Variants in PRKCB observed in about 807,000 individuals in gnomAD.
The protein encoded by PRKCB is protein kinase C beta.
Under a neutral mutation model 81.5 loss-of-function variants are expected in PRKCB, and 13 were observed. The observed-to-expected ratio is 0.16, with a 90% CI of 0.10 to 0.25. The LOEUF is 0.25. Ranked by LOEUF, PRKCB falls within the 10% of genes least tolerant of loss-of-function variation. PRKCB has a pLI of 1.00. For missense variants in PRKCB, 509 were observed against 875.7 expected (o/e 0.58, Z 5.29); for synonymous variants, 335 against 321.4 (o/e 1.04, Z -0.45).
At chr16:23,915,524 A>C (rs758715163) in intron 2 of PRKCB, among the ~76,000 whole-genome samples, 3 of 151,992 alleles carry the variant, frequency 2.0e-5, no homozygotes, top group Non-Finnish European at 4.4e-5. Flanking sequence ...AGTCTCTATA[A>C]AAAATACAAA....
intron 2 of PRKCB, among the ~76,000 whole-genome samples, chr16:23,857,531 C>T (rs1001471337): frequency 2.0e-5 from 3 of 152,136 alleles, no homozygotes; most frequent in African/African-American, 7.2e-5. Flanking sequence ...CTCTGGTGTG[C>T]CTGATAGGTG....
chr16:24,083,904 AC>A (rs1392559431), intron 5 of PRKCB, among the ~76,000 whole-genome samples: 4 of 152,214 alleles, frequency 2.6e-5, no homozygotes, highest in African/African-American at 9.6e-5. Flanking sequence ...ACAAGTACAC[AC>A]AGAGAGAGAG....
chr16:23,971,203 G>T (rs755752527), intron 2 of PRKCB, among the ~76,000 whole-genome samples: 1 of 152,220 alleles, frequency 6.6e-6, no homozygotes, highest in East Asian at 1.9e-4. Flanking sequence ...CATCTCCATC[G>T]ATCAGCTCTA....
chr16:24,214,612 G>A, intron 16 of PRKCB, 46 bp from the exon 17 acceptor site: 1 of 1,526,914 alleles, frequency 6.5e-7, no homozygotes, highest in Non-Finnish European at 9.0e-7. Flanking sequence ...TTTTGTTTTT[G>A]TTTTTTTTCC....
chr16:24,037,882 G>A (rs899916322), intron 5 of PRKCB, among the ~76,000 whole-genome samples: 15 of 150,288 alleles, frequency 1.0e-4, no homozygotes, highest in South Asian at 2.1e-4. Flanking sequence ...AAAAAGAAAC[G>A]AAAAGAAAAA....
At chr16:24,198,444 T>G (rs1967910427) in intron 16 of PRKCB, among the ~76,000 whole-genome samples, 1 of 152,080 alleles carries the variant, frequency 6.6e-6, no homozygotes, top group Admixed American at 6.5e-5. Flanking sequence ...ATAGAAGCAG[T>G]GAGGTGAAGA....
At chr16:23,878,582 G>T (rs962163055) in intron 2 of PRKCB, among the ~76,000 whole-genome samples, 2 of 152,152 alleles carry the variant, frequency 1.3e-5, no homozygotes, top group African/African-American at 4.8e-5. Flanking sequence ...AAGTCTGAAG[G>T]TAGAACATGG....
intron 8 of PRKCB, among the ~76,000 whole-genome samples, chr16:24,118,864 GA>G (rs931124050): frequency 8.6e-5 from 13 of 152,010 alleles, no homozygotes; most frequent in African/African-American, 2.9e-4. Context: ...GGAACAATGG[GA>G]TATTTCAAAG....
intron 2 of PRKCB, among the ~76,000 whole-genome samples, chr16:23,882,750 CTTTTTTTT>C (rs61020074): frequency 9.5e-6 from 1 of 105,198 alleles, no homozygotes; most frequent in Non-Finnish European, 2.1e-5. Context: ...ATACAAATAT[CTTTTTTTT>C]TTTTTTTTTT....
chr16:23,877,034 A>G (rs546705190), intron 2 of PRKCB, among the ~76,000 whole-genome samples: 1 of 152,282 alleles, frequency 6.6e-6, no homozygotes, highest in African/African-American at 2.4e-5. Flanking sequence ...ATGAAGAACC[A>G]GGCTTTAGAA....
In PRKCB at chr16:23,898,216, C is replaced by T. The variant is rs543354971; in HGVS notation, c.205+60810C>T. ...GAGTAGCTGGAACTACAGGCGCCCA[C>T]CACCACACCTCGCTAATTTTTTGTA... On this transcript the variant is annotated intron_variant, in intron 2 of 16. Coordinates refer to ENST00000643927, the MANE Select transcript of PRKCB (RefSeq NM_002738.7). Among the ~76,000 whole-genome samples, 4 of 152,214 alleles carry T rather than the reference C, an allele frequency of 2.6e-5. No homozygotes were observed. The South Asian group carries it at 6.2e-4, about 24-fold the overall frequency.
Position 23,875,580 on chromosome 16 carries a change from A to ATATGTATGTATATCGCACACATATG in PRKCB, c.205+38181_205+38182insGTATATCGCACACATATGTATGTAT, listed in dbSNP as rs10664900. On this transcript the variant is annotated intron_variant, in intron 2 of 16. Transcript: ENST00000643927. ...TCACACACATGTGTATATCAAACACATATGTATATCACACACATATGTATG... is the reference window on the plus strand; with the variant it reads ...TCACACACATGTGTATATCAAACACATATGTATGTATATCGCACACATATGTATGTATATCACACACATATGTATG... Among the ~76,000 whole-genome samples, 4 of 15,166 alleles carry ATATGTATGTATATCGCACACATATG rather than the reference A, an allele frequency of 2.6e-4. 1 individual carries two copies. The highest frequency in any genetic ancestry group is 1.2e-3 in the African/African-American group (4 of 3,216). 9.9% of individuals were successfully genotyped at this position (15,166 alleles called of 152,430 possible).
intron 3 of PRKCB, among the ~76,000 whole-genome samples, chr16:24,014,284 G>A (rs1965246440): frequency 6.6e-6 from 1 of 152,132 alleles, no homozygotes. Flanking sequence ...GGGTGGGGAG[G>A]GGAGGAGATG....
At chr16:24,016,452 G>A (rs574723851) in intron 3 of PRKCB, among the ~76,000 whole-genome samples, 54 of 152,016 alleles carry the variant, frequency 3.6e-4, no homozygotes, top group African/African-American at 9.7e-4. Context: ...GAAAAGACTC[G>A]CTTAACATGG....
chr16:23,856,525 A>G (rs1184410739), intron 2 of PRKCB, among the ~76,000 whole-genome samples: 2 of 41,170 alleles, frequency 4.9e-5, no homozygotes, highest in Admixed American at 7.3e-4. Flanking sequence ...TTGTTTCACG[A>G]AACTTTTTTT....
intron 3 of PRKCB, among the ~76,000 whole-genome samples, chr16:24,000,420 G>T: frequency 6.6e-6 from 1 of 152,190 alleles, no homozygotes; most frequent in East Asian, 1.9e-4. Context: ...TATGGACTCT[G>T]AAATCAGACA....
chr16:24,076,207 G>A (rs1049580268), intron 5 of PRKCB, among the ~76,000 whole-genome samples: 1 of 152,190 alleles, frequency 6.6e-6, no homozygotes, highest in Non-Finnish European at 1.5e-5. Context: ...GGAGTTGTTT[G>A]GAGCATGTGA....
intron 2 of PRKCB, among the ~76,000 whole-genome samples, chr16:23,842,509 T>G (rs1165923445): frequency 1.3e-5 from 2 of 152,162 alleles, no homozygotes; most frequent in Non-Finnish European, 2.9e-5. Flanking sequence ...GGGTATTGGG[T>G]AACACCAGTG....
At chr16:23,836,457 C>A in intron 1 of PRKCB, 109 bp downstream of exon 1, 2 of 1,443,334 alleles carry the variant, frequency 1.4e-6, no homozygotes, top group South Asian at 1.3e-5. Flanking sequence ...ACCCTGGGAC[C>A]CCGCGTCTCC....
Sources: allele counts gnomAD v4.1 joint callset (sites outside exome capture counted in the v4.1 genomes callset), GRCh38; gene constraint gnomAD v4.1.1; transcripts MANE v1.5; gene names NCBI Gene and HGNC (gene_info 2026-07-23, HGNC 2026-07-21).